The following TOX variants were observed in gnomAD, a reference collection of about 807,000 sequenced individuals.
TOX encodes thymocyte selection associated high mobility group box.
TOX carries 11 observed loss-of-function variants against 53.7 expected under a neutral mutation model. The ratio of observed to expected loss-of-function variants is 0.20; its 90% CI spans 0.13 to 0.34. The LOEUF (loss-of-function observed/expected upper bound fraction) is 0.34, where lower values mean the gene tolerates loss of function less well. TOX is among the 10% of genes least tolerant of loss of function. The pLI is 1.00. For synonymous variants in TOX, 225 were observed against 245.3 expected (o/e 0.92, Z 0.77); for missense variants, 570 against 664.6 (o/e 0.86, Z 1.56).
intron 1 of TOX, among the ~76,000 whole-genome samples, chr8:59,116,275 T>G (rs1805097433): frequency 6.6e-6 from 1 of 152,236 alleles, no homozygotes; most frequent in Non-Finnish European, 1.5e-5. Flanking sequence ...CTATTTGTAG[T>G]AAGCTACATA....
intron 3 of TOX, among the ~76,000 whole-genome samples, chr8:58,921,951 A>G (rs1322343535): frequency 6.6e-6 from 1 of 152,222 alleles, no homozygotes; most frequent in East Asian, 1.9e-4. Flanking sequence ...AGATTTTATC[A>G]TTTTAAGGAC....
At chr8:58,896,809 AC>A (rs1279619920) in intron 3 of TOX, among the ~76,000 whole-genome samples, 2 of 152,268 alleles carry the variant, frequency 1.3e-5, no homozygotes, top group African/African-American at 4.8e-5. Context: ...TGCATGGGCC[AC>A]ACAATAGGCA....
intron 3 of TOX, among the ~76,000 whole-genome samples, chr8:58,902,430 C>T (rs1445769484): frequency 1.3e-5 from 2 of 152,100 alleles, no homozygotes; most frequent in Admixed American, 6.6e-5. Flanking sequence ...AATGATTAGG[C>T]TCACAAAGAC....
intron 2 of TOX, among the ~76,000 whole-genome samples, chr8:58,954,919 C>T (rs1404453746): frequency 6.6e-6 from 1 of 152,092 alleles, no homozygotes; most frequent in Non-Finnish European, 1.5e-5. Flanking sequence ...GGTGAGGAAG[C>T]AGGTGGGAGG....
chr8:58,961,421 A>T (rs1423907664), intron 1 of TOX, among the ~76,000 whole-genome samples: 7 of 152,242 alleles, frequency 4.6e-5, no homozygotes, highest in Admixed American at 2.6e-4. Context: ...AATAAAAAAT[A>T]GTACAAGTGG....
chr8:58,825,650 A>C (rs1810353229), intron 6 of TOX, among the ~76,000 whole-genome samples: 1 of 152,234 alleles, frequency 6.6e-6, no homozygotes, highest in Admixed American at 6.5e-5. Context: ...AATAAGGAGA[A>C]TTAACTTTTT....
rs894071315 is a variant in TOX at position 58,805,607 on chromosome 8, A to C, written c.*2140T>G. ...AGTCAAAGCTGCTCATTCTCCTCCC[A>C]GTAATTACCTTCTCAGTTTAGACTT... On this transcript the variant is annotated 3_prime_UTR_variant, in exon 9 of 9. Coordinates refer to ENST00000361421, the MANE Select transcript of TOX (RefSeq NM_014729.3). 1 of 152,644 alleles carries C rather than the reference A, an allele frequency of 6.6e-6. No individual in the cohort carries two copies. The highest frequency in any genetic ancestry group is 1.5e-5 in the Non-Finnish European group (1 of 68,050). 9.5% of individuals were successfully genotyped at this position (152,644 alleles called of 1,614,324 possible). A position where few individuals can be genotyped will look rare whatever the true frequency, so the allele number is the denominator to read the frequency against.
At position 58,851,185 on chromosome 8, in the gene TOX, TCACACACACACA is replaced by T. The variant is rs68047111; in HGVS notation, c.693+327_693+338del. Among the ~76,000 whole-genome samples the T allele has an allele frequency of 3.1e-4, 44 of 140,830 alleles. No individual in the cohort carries two copies. Among genetic ancestry groups the T allele is most frequent in the East Asian group, 2.1e-4 (1 of 4,878 alleles). 92.4% of individuals were successfully genotyped at this position (140,830 alleles called of 152,430 possible). On this transcript the variant is annotated intron_variant, in intron 4 of 8. Coordinates refer to ENST00000361421, the MANE Select transcript of TOX (RefSeq NM_014729.3). This position sits in a 1 kb window ranked among gnomAD's most constrained non-coding sequence, Gnocchi z 4.4. Reference sequence around the variant, plus strand: ...CTCTCTCTCTCTCTCTCTCTCTCTCTCACACACACACACACACACACACACACGACCTTCATT... The same window carrying T: ...CTCTCTCTCTCTCTCTCTCTCTCTCTCACACACACACACACGACCTTCATT...
chr8:59,081,617 T>C (rs1023226743), intron 1 of TOX, among the ~76,000 whole-genome samples: 1 of 152,228 alleles, frequency 6.6e-6, no homozygotes, highest in Non-Finnish European at 1.5e-5. Context: ...AAAGTGTCTT[T>C]ACATGATGTC....
rs566128344 is a variant in TOX at position 58,910,288 on chromosome 8, T to C, written c.411+29014A>G. Among the ~76,000 whole-genome samples, 6 of 152,330 alleles carry C rather than the reference T, an allele frequency of 3.9e-5. No homozygotes were observed. In the East Asian group the frequency reaches 1.2e-3, roughly 29 times the overall value. ...AGATTTAATAGCATTACCAACTACT[T>C]TGGATTTTCCGCATTTTTTTTTAAA... On this transcript the variant is annotated intron_variant, in intron 3 of 8. Coordinates refer to ENST00000361421, the MANE Select transcript of TOX (RefSeq NM_014729.3).
chr8:58,994,855 G>T (rs930268987), intron 1 of TOX, among the ~76,000 whole-genome samples: 6 of 152,108 alleles, frequency 3.9e-5, no homozygotes, highest in Non-Finnish European at 8.8e-5. Flanking sequence ...CTGAAGACTC[G>T]AAATGCTGAC....
At chr8:58,885,612 A>G (rs1337689510) in intron 3 of TOX, among the ~76,000 whole-genome samples, 3 of 152,096 alleles carry the variant, frequency 2.0e-5, no homozygotes, top group African/African-American at 7.2e-5. Flanking sequence ...CCAGTTTTCA[A>G]TTGAGATTCA....
chr8:59,105,357 CT>C (rs200201042), intron 1 of TOX, among the ~76,000 whole-genome samples: 13 of 151,890 alleles, frequency 8.6e-5, no homozygotes, highest in East Asian at 3.9e-4. Context: ...CAGCTGAGCA[CT>C]TTTTTTTCAT....
chr8:59,060,399 G>A (rs771831948), intron 1 of TOX, among the ~76,000 whole-genome samples: 9 of 152,186 alleles, frequency 5.9e-5, no homozygotes, highest in Admixed American at 2.0e-4. Flanking sequence ...AGGCCAAGGC[G>A]GGCAGATCAC....
At chr8:59,010,096 T>C (rs1018408452) in intron 1 of TOX, among the ~76,000 whole-genome samples, 1 of 152,208 alleles carries the variant, frequency 6.6e-6, no homozygotes, top group African/African-American at 2.4e-5. Context: ...ATATCTAAGA[T>C]ACCAAATAGT....
chr8:58,954,096 T>G (rs187068669), intron 2 of TOX, among the ~76,000 whole-genome samples: 40 of 152,288 alleles, frequency 2.6e-4, no homozygotes, highest in Admixed American at 2.2e-3. Context: ...TTGCTGATGA[T>G]AAACAACAGC....
intron 1 of TOX, among the ~76,000 whole-genome samples, chr8:58,999,078 T>C (rs79772994): frequency 0.033 from 5,090 of 152,258 alleles, 235 homozygotes; most frequent in South Asian, 0.098. Context: ...AAAGTCCCAA[T>C]AACTGGAAAG....
rs1334849266 is a variant in TOX, at chr8:59,117,846, C to A, written c.102+1040G>T. Among the ~76,000 whole-genome samples the A allele has an allele frequency of 6.6e-6, 1 of 152,234 alleles. No individual in the cohort carries two copies. The highest frequency in any genetic ancestry group is 1.9e-4 in the East Asian group (1 of 5,184). ...TAGAGAACTCAATTCTCTCTGCCAACGTTCATCCAACGGGACTGCTTAGAC... is the reference window on the plus strand; with the variant it reads ...TAGAGAACTCAATTCTCTCTGCCAAAGTTCATCCAACGGGACTGCTTAGAC... On this transcript the variant is annotated intron_variant, in intron 1 of 8. Transcript: ENST00000361421. This position sits in a 1 kb window ranked among gnomAD's most constrained non-coding sequence, Gnocchi z 4.6.
intron 1 of TOX, among the ~76,000 whole-genome samples, chr8:59,008,795 A>C (rs1177198515): frequency 1.3e-5 from 2 of 152,232 alleles, no homozygotes; most frequent in Non-Finnish European, 2.9e-5. Flanking sequence ...CTGTCAGGCT[A>C]TAAAGATAAC....
Sources: gnomAD v4.1 joint callset for allele counts (sites outside exome capture counted in the v4.1 genomes callset) on GRCh38, gnomAD v4.1.1 for gene constraint, Gnocchi (gnomAD v3.1) non-coding constraint, MANE v1.5 for transcripts, NCBI Gene and HGNC (gene_info 2026-07-23, HGNC 2026-07-21) for gene names.